The following ABCC1 variants were observed in gnomAD, a reference collection of about 807,000 sequenced individuals.
The protein encoded by ABCC1 is ATP binding cassette subfamily C member 1 (ABCC1 blood group).
ABCC1 carries 83 observed loss-of-function variants against 172.9 expected under a neutral mutation model. The observed-to-expected ratio is 0.48, with a 90% CI of 0.40 to 0.58. ABCC1 has a LOEUF of 0.58. Among genes scored for constraint, ABCC1 ranks in the 20% least tolerant of loss-of-function variants. The pLI is 0.00. For synonymous variants in ABCC1, 937 were observed against 825.2 expected, an observed-to-expected ratio of 1.14 and a Z score of -2.32; for missense variants, 1,817 against 2,002.7, an observed-to-expected ratio of 0.91 and a Z score of 1.77.
At chr16:16,100,780 C>G (rs766958893) in intron 19 of ABCC1, among the ~76,000 whole-genome samples, 2 of 152,162 alleles carry the variant, frequency 1.3e-5, no homozygotes, top group African/African-American at 4.8e-5. Flanking sequence ...TTCACCCTCT[C>G]GCAAATGAAG....
In ABCC1 at chr16:16,141,552, C is replaced by T. The variant is rs979292470; in HGVS notation, c.*271C>T. On this transcript the variant is annotated 3_prime_UTR_variant, in exon 31 of 31. Transcript: ENST00000399410. ...GCCCTGAGACAGACACACAGCCTCA[C>T]GCCCCCAGGAATGCAAGTGGTTTCC... 11 of 427,642 alleles carry T rather than the reference C, an allele frequency of 2.6e-5. No homozygotes were observed. Among genetic ancestry groups the T allele is most frequent in the Admixed American group, 2.0e-4 (5 of 24,894 alleles). The allele number at this position is 427,642 out of a possible 1,614,324, so 26.5% of individuals were successfully genotyped here.
chr16:16,101,285 C>A (rs191916461), intron 19 of ABCC1, among the ~76,000 whole-genome samples: 1 of 152,134 alleles, frequency 6.6e-6, no homozygotes, highest in African/African-American at 2.4e-5. Flanking sequence ...CTGCCCGCCT[C>A]GGCCTTGAAA....
chr16:16,134,626 T>C, intron 28 of ABCC1, 118 bp downstream of exon 28: 1 of 7,866 alleles, frequency 1.3e-4, no homozygotes, highest in Non-Finnish European at 2.1e-4. Flanking sequence ...TTCATCGTTC[T>C]TTTTTTTTTT....
chr16:16,069,215 T>A (rs77777578), intron 13 of ABCC1, among the ~76,000 whole-genome samples: 20 of 139,914 alleles, frequency 1.4e-4, no homozygotes, highest in East Asian at 6.2e-4. Context: ...TAAATAAATA[T>A]GTTTGAAAAT....
At chr16:16,119,541 A>G (rs1358235005) in intron 23 of ABCC1, among the ~76,000 whole-genome samples, 3 of 152,024 alleles carry the variant, frequency 2.0e-5, no homozygotes, top group Non-Finnish European at 4.4e-5. Context: ...AAATAGAAAA[A>G]TTAGCCAGGC....
At chr16:16,043,217 G>C (rs1298021283) in intron 7 of ABCC1, among the ~76,000 whole-genome samples, 1 of 124,606 alleles carries the variant, frequency 8.0e-6, no homozygotes, top group African/African-American at 3.5e-5. Flanking sequence ...CTGGCTGGCT[G>C]GACTGTTTTT....
chr16:16,139,734 C>T (rs1049852828), intron 30 of ABCC1, among the ~76,000 whole-genome samples: 5 of 151,940 alleles, frequency 3.3e-5, no homozygotes, highest in Admixed American at 2.0e-4. Context: ...GCATCAGTGC[C>T]GGGGACCACA....
At chr16:16,018,599 G>A (rs1363507702) in intron 5 of ABCC1, among the ~76,000 whole-genome samples, 2 of 152,090 alleles carry the variant, frequency 1.3e-5, no homozygotes, top group Non-Finnish European at 2.9e-5. Flanking sequence ...GAGGAGTCCC[G>A]TGTTGGTATT....
intron 12 of ABCC1, 169 bp downstream of exon 12, chr16:16,056,464 C>A: frequency 2.9e-6 from 2 of 679,720 alleles, no homozygotes; most frequent in East Asian, 5.5e-5. Context: ...GTCAGGAGTT[C>A]AAGACCAGCC....
intron 1 of ABCC1, among the ~76,000 whole-genome samples, chr16:15,986,901 G>T (rs2046757092): frequency 6.6e-6 from 1 of 152,192 alleles, no homozygotes; most frequent in Admixed American, 6.5e-5. Flanking sequence ...GAGGCCGGGT[G>T]CAGTGGCTCA....
chr16:15,995,729 G>A (rs1490091269), intron 1 of ABCC1, among the ~76,000 whole-genome samples: 1 of 152,274 alleles, frequency 6.6e-6, no homozygotes, highest in East Asian at 1.9e-4. Flanking sequence ...GTTCGGTGGT[G>A]CAGTCATAGC....
chr16:16,058,508 C>A (rs1273752265), intron 12 of ABCC1, among the ~76,000 whole-genome samples: 1 of 152,222 alleles, frequency 6.6e-6, no homozygotes, highest in Non-Finnish European at 1.5e-5. Context: ...CCAGCTGTTT[C>A]AGCATTTGCG....
chr16:16,118,883 TA>T (rs397855738), intron 23 of ABCC1, among the ~76,000 whole-genome samples: 38,947 of 118,320 alleles, frequency 0.33, 6,226 homozygotes, highest in East Asian at 0.61. Flanking sequence ...AAGTGTATAT[TA>T]AAAAAAAAAA....
intron 22 of ABCC1, 23 bp downstream of exon 22, chr16:16,111,605 C>G: frequency 6.3e-7 from 1 of 1,598,524 alleles, no homozygotes; most frequent in Non-Finnish European, 8.5e-7. Context: ...GTCTCCCACC[C>G]CGCCTGATTT....
At chr16:16,063,887 C>T (rs1284051927) in intron 12 of ABCC1, among the ~76,000 whole-genome samples, 1 of 152,156 alleles carries the variant, frequency 6.6e-6, no homozygotes, top group African/African-American at 2.4e-5. Flanking sequence ...CATGCTTCTT[C>T]CTGAGCCAGT....
intron 1 of ABCC1, among the ~76,000 whole-genome samples, chr16:16,001,808 G>C (rs1239435402): frequency 2.6e-5 from 4 of 152,146 alleles, no homozygotes; most frequent in Non-Finnish European, 5.9e-5. Context: ...AGTATGAATT[G>C]ATGTTCCCTA....
Position 16,076,419 on chromosome 16 carries a change from C to G in ABCC1, c.1988+18C>G, listed in dbSNP as rs1227438244. On this transcript the variant is annotated intron_variant, in intron 15 of 30. Transcript: ENST00000399410. Reference sequence around the variant, plus strand: ...CTGAATGGGTAAGCCGGGACGTGGACACACGTGATGGTGTGGAGAGAGCCA... The same window carrying G: ...CTGAATGGGTAAGCCGGGACGTGGAGACACGTGATGGTGTGGAGAGAGCCA... 1.9e-6 allele frequency: 3 copies of G among 1,596,186 alleles called. No individual in the cohort carries two copies. In the South Asian group the frequency reaches 3.4e-5, roughly 18 times the overall value.
intron 5 of ABCC1, 64 bp from the exon 6 acceptor site, chr16:16,033,045 C>A: frequency 6.5e-7 from 1 of 1,528,032 alleles, no homozygotes; most frequent in South Asian, 1.1e-5. Flanking sequence ...AAGCTCTGAC[C>A]TGGATGAAAA....
chr16:16,032,313 T>C (rs1389356550), intron 5 of ABCC1, among the ~76,000 whole-genome samples: 1 of 152,188 alleles, frequency 6.6e-6, no homozygotes, highest in African/African-American at 2.4e-5. Context: ...AATACTTTTA[T>C]TTATCTTGTG....
Sources: allele counts gnomAD v4.1 joint callset (sites outside exome capture counted in the v4.1 genomes callset), GRCh38; gene constraint gnomAD v4.1.1; transcripts MANE v1.5; gene names NCBI Gene and HGNC (gene_info 2026-07-23, HGNC 2026-07-21).